GPATCH2L: variants seen among roughly 807,000 people sequenced by gnomAD.
GPATCH2L encodes G patch domain-containing protein 2-like.
In GPATCH2L, 31 loss-of-function variants were observed where a neutral mutation model predicts 57.4. The observed-to-expected ratio is 0.54, with a 90% CI of 0.41 to 0.73. The LOEUF (loss-of-function observed/expected upper bound fraction) is 0.73, where lower values mean the gene tolerates loss of function less well. GPATCH2L is among the 30% of genes least tolerant of loss of function. The probability of loss-of-function intolerance (pLI) is 0.00; values close to 1 mark genes in which losing one functional copy is unlikely to be tolerated. For synonymous variants in GPATCH2L, 199 were observed against 210.7 expected (o/e 0.94, Z 0.48); for missense variants, 481 against 599.9 (o/e 0.80, Z 2.07).
At position 76,201,737 on chromosome 14, in the gene GPATCH2L, C is replaced by T. The variant is rs762400614; in HGVS notation, c.1335C>T (p.Pro445=). 2 of 1,613,682 alleles carry T rather than the reference C, an allele frequency of 1.2e-6. No homozygotes were observed. The highest frequency in any genetic ancestry group is 1.3e-5 in the African/African-American group (1 of 74,888). ...CAACCACACCAGCATCACAAGCCCCCAAATCACCCAGCTCTGAGTGGTTGG... is the reference window on the plus strand; with the variant it reads ...CAACCACACCAGCATCACAAGCCCCTAAATCACCCAGCTCTGAGTGGTTGG... ...VEPTTPASQA[P]KSPSSEWLVR... The change falls in exon 10 of 10, where the codon CCC becomes CCT. Residue 445 remains proline (P), a synonymous_variant. Coordinates refer to ENST00000261530, the MANE Select transcript of GPATCH2L (RefSeq NM_017926.4).
In GPATCH2L at chr14:76,213,565, A is replaced by C. The variant is rs1310613416; in HGVS notation, c.*11714A>C. The stretch of plus-strand genomic sequence containing the variant: ...TATAGAATCCAAGCAAAAGCTCACC[A>C]GCCAGAGATAAAGTGAGGCCAGCTC... On this transcript the variant is annotated 3_prime_UTR_variant, in exon 10 of 10. Coordinates refer to ENST00000261530, the MANE Select transcript of GPATCH2L (RefSeq NM_017926.4). 1 of 152,198 alleles carries C rather than the reference A, an allele frequency of 6.6e-6. No homozygotes were observed. Among genetic ancestry groups the C allele is most frequent in the Non-Finnish European group, 1.5e-5 (1 of 68,036 alleles). 9.4% of individuals were successfully genotyped at this position (152,198 alleles called of 1,614,324 possible).
chr14:76,174,945 A>G (rs189623558), intron 5 of GPATCH2L: 1 of 152,296 alleles, frequency 6.6e-6, no homozygotes, highest in Admixed American at 6.5e-5. Flanking sequence ...TCAAGTTCAA[A>G]TCTTGAATTA....
intron 9 of GPATCH2L, among the ~76,000 whole-genome samples, chr14:76,200,660 C>T (rs778096277): frequency 1.3e-5 from 2 of 152,088 alleles, no homozygotes; most frequent in Non-Finnish European, 2.9e-5. Flanking sequence ...TGAATATGTG[C>T]GTTGGTTGTA....
At chr14:76,173,713 C>A in intron 5 of GPATCH2L, 88 bp downstream of exon 5, 1 of 857,510 alleles carries the variant, frequency 1.2e-6, no homozygotes, top group Non-Finnish European at 2.0e-6. Flanking sequence ...AGAGGTGCTA[C>A]AGAACTCCCT....
rs1278484669 is a variant in GPATCH2L at position 76,176,630 on chromosome 14, G to A, written c.992G>A (p.Ser331Asn). ...GRRRLVGKET[S>N]INTLGTERIS... ...TCTGCCTTTTCTTTTTAGGAGACCA[G>A]CATAAACACTTTGGGGACTGAGAGG... is the stretch of plus-strand genomic sequence containing the variant. The change falls in exon 6 of 10, where the codon AGC becomes AAC. Residue 331 changes from serine to asparagine, a missense_variant. By Grantham distance (46) the Ser-to-Asn change is conservative. This residue lies in a region of GPATCH2L where 248 missense variants were observed against 270.5 expected (regional missense o/e 0.92). Transcript: ENST00000261530. The A allele has an allele frequency of 6.2e-7, 1 of 1,607,038 alleles. No homozygotes were observed. The highest frequency in any genetic ancestry group is 1.7e-5 in the Admixed American group (1 of 60,024).
At chr14:76,172,115 C>T (rs1342361829) in intron 4 of GPATCH2L, 96 bp downstream of exon 4, 6 of 733,182 alleles carry the variant, frequency 8.2e-6, no homozygotes. Flanking sequence ...TTCAATCACA[C>T]ATTAACTATC....
intron 2 of GPATCH2L, among the ~76,000 whole-genome samples, chr14:76,233,991 T>A (rs1296826609): frequency 1.3e-5 from 2 of 152,110 alleles, no homozygotes; most frequent in African/African-American, 4.8e-5. Context: ...ACACCTGCAG[T>A]CCTAGATACC....
At position 76,154,783 on chromosome 14, in the gene GPATCH2L, T is replaced by G. The variant is rs1486392636; in HGVS notation, c.420T>G (p.Ala140=). The change falls in exon 2 of 10, where the codon GCT becomes GCG. Residue 140 remains alanine, a synonymous_variant. Coordinates refer to ENST00000261530, the MANE Select transcript of GPATCH2L (RefSeq NM_017926.4). The surrounding 1 kb of genome is among the most constrained non-coding windows in gnomAD (Gnocchi z 4.4). ...RKVKRVTSEV[A]ASLQQKLKVS... is the part of the protein sequence containing the mutation. ...TGAAGCGAGTGACATCAGAGGTGGC[T>G]GCTAGCCTTCAGCAGAAGCTGAAGG... The G allele has an allele frequency of 6.2e-7, 1 of 1,614,216 alleles. No homozygotes were observed. The highest frequency in any genetic ancestry group is 1.7e-5 in the Admixed American group (1 of 60,036).
rs1050528238 is a variant in GPATCH2L at position 76,208,891 on chromosome 14, C to G, written c.*7040C>G. The G allele has an allele frequency of 1.3e-5, 2 of 152,140 alleles. No homozygotes were observed. Among genetic ancestry groups the G allele is most frequent in the African/African-American group, 4.8e-5 (2 of 41,414 alleles). 9.4% of individuals were successfully genotyped at this position (152,140 alleles called of 1,614,324 possible). ...GTCACCTGGGAAGTTTTAAAAAGTCCTAATTCCTGGACTGGACCACAGACC... is the reference window on the plus strand; with the variant it reads ...GTCACCTGGGAAGTTTTAAAAAGTCGTAATTCCTGGACTGGACCACAGACC... On this transcript the variant is annotated 3_prime_UTR_variant, in exon 10 of 10. Coordinates refer to ENST00000261530, the MANE Select transcript of GPATCH2L (RefSeq NM_017926.4).
chr14:76,165,855 G>A (rs2038810292), intron 2 of GPATCH2L, among the ~76,000 whole-genome samples: 1 of 152,106 alleles, frequency 6.6e-6, no homozygotes, highest in Non-Finnish European at 1.5e-5. Flanking sequence ...TTGGTTTCTT[G>A]CATCTTCTAG....
rs1282643604 is a variant in GPATCH2L at position 76,202,438 on chromosome 14, T to C, written c.*587T>C. 1.3e-5 allele frequency: 2 copies of C among 152,636 alleles called. No homozygotes were observed. The highest frequency in any genetic ancestry group is 2.9e-5 in the Non-Finnish European group (2 of 68,096). The allele number at this position is 152,636 out of a possible 1,614,324, so 9.5% of individuals were successfully genotyped here. ...TTGAGAACTTCCATTTTTTTGCAGA[T>C]TGTCTGCAGAAACTCAGACAGCTCA... is the stretch of plus-strand genomic sequence containing the variant. On this transcript the variant is annotated 3_prime_UTR_variant, in exon 10 of 10. Transcript: ENST00000261530.
intron 8 of GPATCH2L, 98 bp downstream of exon 8, chr14:76,180,947 A>G (rs1041923087): frequency 1.5e-5 from 11 of 743,750 alleles, no homozygotes; most frequent in Middle Eastern, 2.4e-4. Flanking sequence ...ACAGTATCCA[A>G]TTTGATCCTG....
At chr14:76,171,768 G>A in intron 3 of GPATCH2L, 75 bp from the exon 4 acceptor site, 6 of 835,278 alleles carry the variant, frequency 7.2e-6, no homozygotes, top group South Asian at 4.2e-5. Context: ...ATGGCACTAA[G>A]AAATCATCCC....
intron 3 of GPATCH2L, among the ~76,000 whole-genome samples, chr14:76,171,311 A>G (rs1380938466): frequency 6.6e-6 from 1 of 150,996 alleles, no homozygotes; most frequent in Non-Finnish European, 1.5e-5. Flanking sequence ...GCGGTGGCTC[A>G]CGCCTGTAAT....
At chr14:76,155,619 A>G (rs928901969) in intron 2 of GPATCH2L, among the ~76,000 whole-genome samples, 1 of 152,200 alleles carries the variant, frequency 6.6e-6, no homozygotes, top group Non-Finnish European at 1.5e-5. Flanking sequence ...CTTACATCAG[A>G]TGTGATCAAG....
rs753940309 is a variant in GPATCH2L, at chr14:76,195,935, A to G, written c.1251A>G (p.Lys417=). The G allele has an allele frequency of 3.8e-5, 62 of 1,613,682 alleles. No individual in the cohort carries two copies. The highest frequency in any genetic ancestry group is 4.7e-5 in the Non-Finnish European group (56 of 1,179,748). The change falls in exon 9 of 10, where the codon AAA becomes AAG. Residue 417 remains lysine, a synonymous_variant. Transcript: ENST00000261530. ...PCSRDIKRKR[K]PVATASLSSP... ...CACGTGACATCAAGAGGAAGCGGAAACCAGTGGCCACAGCATCTTTGTCTA... is the reference window on the plus strand; with the variant it reads ...CACGTGACATCAAGAGGAAGCGGAAGCCAGTGGCCACAGCATCTTTGTCTA...
At chr14:76,182,379 A>AG (rs1192313031) in intron 8 of GPATCH2L, among the ~76,000 whole-genome samples, 1 of 148,044 alleles carries the variant, frequency 6.8e-6, no homozygotes, top group Non-Finnish European at 1.5e-5. Flanking sequence ...AAAAAAAAAA[A>AG]AAAAAGAATG....
intron 2 of GPATCH2L, among the ~76,000 whole-genome samples, chr14:76,232,011 A>ACTGCAGCCTCACTGCAGCCTCACGGC: frequency 6.6e-6 from 1 of 150,440 alleles, no homozygotes; most frequent in African/African-American, 2.4e-5. Flanking sequence ...CTGCAGGCTC[A>ACTGCAGCCTCACTGCAGCCTCACGGC]AGCAATCTTC....
chr14:76,199,747 A>G (rs1017404610), intron 9 of GPATCH2L, among the ~76,000 whole-genome samples: 3 of 152,200 alleles, frequency 2.0e-5, no homozygotes, highest in African/African-American at 7.2e-5. Flanking sequence ...GGAAAACAGC[A>G]TGTAAAAAAA....
Sources: gnomAD v4.1 joint callset for allele counts (sites outside exome capture counted in the v4.1 genomes callset) on GRCh38, gnomAD v4.1.1 for gene constraint, gnomAD v4.1.1 regional missense constraint, Gnocchi (gnomAD v3.1) non-coding constraint, MANE v1.5 for transcripts, NCBI Gene and HGNC (gene_info 2026-07-23, HGNC 2026-07-21) for gene names.